POLDIP2: variants seen among roughly 807,000 people sequenced by gnomAD.
The protein encoded by POLDIP2 is DNA polymerase delta interacting protein 2, also known as polymerase delta-interacting protein 2.
A neutral mutation model predicts 52.9 loss-of-function variants in POLDIP2; 32 were observed. The observed-to-expected ratio is 0.61, with a 90% CI of 0.46 to 0.81. The LOEUF (loss-of-function observed/expected upper bound fraction) is 0.81, where lower values mean the gene tolerates loss of function less well. POLDIP2 is among the 40% of genes least tolerant of loss of function. POLDIP2 has a pLI of 0.00. For synonymous variants in POLDIP2, 183 were observed against 183.0 expected (o/e 1.00, Z 0.00); for missense variants, 371 against 477.3 (o/e 0.78, Z 2.07).
chr17:28,353,970 A>G (rs1312921560), intron 3 of POLDIP2, among the ~76,000 whole-genome samples, 179 bp from the exon 4 acceptor site: 1 of 152,148 alleles, frequency 6.6e-6, no homozygotes, highest in Non-Finnish European at 1.5e-5. Flanking sequence ...GGGGCAAATA[A>G]TAGAGCATGG....
chr17:28,350,095 C>T (rs1245407954), intron 9 of POLDIP2, among the ~76,000 whole-genome samples: 2 of 152,156 alleles, frequency 1.3e-5, no homozygotes, highest in Admixed American at 1.3e-4. Context: ...GTGTGTGCCC[C>T]ACCTAACGAC....
At position 28,351,202 on chromosome 17, in the gene POLDIP2, C is replaced by CA. The variant is rs1907781517; in HGVS notation, c.760-411dup. Among the ~76,000 whole-genome samples the CA allele has an allele frequency of 1.3e-5, 2 of 152,278 alleles. 1 individual carries two copies. The highest frequency in any genetic ancestry group is 2.9e-5 in the Non-Finnish European group (2 of 68,030). On this transcript the variant is annotated intron_variant, in intron 7 of 10. Transcript: ENST00000540200. Reference sequence around the variant, plus strand: ...TCCACTACTATAAGGTCCTGGAAGACAGGGACGGTGTTTCATTTATATTTG... The same window carrying CA: ...TCCACTACTATAAGGTCCTGGAAGACAAGGGACGGTGTTTCATTTATATTTG...
rs782276406 is a variant in POLDIP2, at chr17:28,353,293, A to T, written c.462T>A (p.Ala154=). The T allele has an allele frequency of 2.8e-5, 45 of 1,594,222 alleles. No individual in the cohort carries two copies. The highest frequency in any genetic ancestry group is 8.6e-7 in the Non-Finnish European group (1 of 1,164,138). The stretch of plus-strand genomic sequence containing the variant: ...CATCATGGTTAGCCAAGAAGGTCAC[A>T]GCTTCTGTCTGAGATCTCTGAGACT... The part of the protein sequence containing the change: ...PHISQRSQTE[A]VTFLANHDDS... The change falls in exon 5 of 11, where the codon GCT becomes GCA. Residue 154 remains alanine (A), a synonymous_variant. Coordinates refer to ENST00000540200, the MANE Select transcript of POLDIP2 (RefSeq NM_015584.5).
rs1481824877 is a variant in POLDIP2, at chr17:28,349,084, A to G, written c.991T>C (p.Trp331Arg). Residue 331 changes from tryptophan (W) to arginine (R), a missense_variant and splice_region_variant, in exon 10 of 11, where the codon TGG (tryptophan) becomes CGG (arginine). Coordinates refer to ENST00000540200, the MANE Select transcript of POLDIP2 (RefSeq NM_015584.5). Reference protein sequence around the residue: ...VSLQASSGHMWGTFRFERPDG... With the variant: ...VSLQASSGHMRGTFRFERPDG... ...CTACTGCTGTGCACACTCACTCACC[A>G]CATGTGCCCACTGGAAGCCTGCAGC... 5.6e-6 allele frequency: 9 copies of G among 1,608,578 alleles called. No homozygotes were observed. Among genetic ancestry groups the G allele is most frequent in the Non-Finnish European group, 7.7e-6 (9 of 1,175,572 alleles).
At position 28,357,359 on chromosome 17, in the gene POLDIP2, G is replaced by A. The variant is rs554932156; in HGVS notation, c.90C>T (p.Leu30=). The A allele has an allele frequency of 9.6e-6, 15 of 1,564,166 alleles. No individual in the cohort carries two copies. Among genetic ancestry groups the A allele is most frequent in the African/African-American group, 1.4e-5 (1 of 71,400 alleles). ...AGGCTCCAGCTCCGGCCGCCGCACA[G>A]AGCGGCCTTGGCCACCGGGCCCCAG... ...SLTGARWPRP[L]CAAAGAGAFS... is the part of the protein sequence containing the mutation. Residue 30 remains leucine (L), a synonymous_variant, in exon 1 of 11, where the codon CTC becomes CTT. Transcript: ENST00000540200.
intron 10 of POLDIP2, among the ~76,000 whole-genome samples, chr17:28,348,751 C>T (rs534701166): frequency 3.3e-5 from 5 of 152,162 alleles, no homozygotes; most frequent in Non-Finnish European, 5.9e-5. Flanking sequence ...AGATTCTGGC[C>T]TTTAGATACA....
chr17:28,350,520 A>G lies in POLDIP2; in HGVS notation c.830T>C (p.Val277Ala), dbSNP rs1555579744. The change falls in exon 9 of 11, where the codon GTA becomes GCA. Residue 277 changes from valine (V) to alanine (A), a missense_variant. Transcript: ENST00000540200. ...CCTCCAGTGCCGCTCCCGGAGCTGT[A>G]CCACATCACTGTCAAGGTTCTCCAA... ...IRLENLDSDVVQLRERHWRIF... is the reference protein window; with the variant it reads ...IRLENLDSDVAQLRERHWRIF... 2 of 1,613,792 alleles carry G rather than the reference A, an allele frequency of 1.2e-6. No homozygotes were observed. The highest frequency in any genetic ancestry group is 3.3e-5 in the Admixed American group (2 of 60,002).
intron 4 of POLDIP2, 147 bp downstream of exon 4, chr17:28,353,548 G>A: frequency 2.9e-6 from 1 of 345,970 alleles, no homozygotes; most frequent in Non-Finnish European, 5.0e-6. Context: ...CGTGAATCAG[G>A]GCTTTGTTGG....
In POLDIP2 at chr17:28,349,095, C is replaced by T. The variant is rs1264004756; in HGVS notation, c.980G>A (p.Ser327Asn). ...CACACTCACTCACCACATGTGCCCA[C>T]TGGAAGCCTGCAGCGAGACGTGGCT... ...YSSHVSLQAS[S>N]GHMWGTFRFE... Residue 327 changes from serine (S) to asparagine (N), a missense_variant, in exon 10 of 11, where the codon AGT (serine) becomes AAT (asparagine). Ser to Asn is a conservative substitution (Grantham distance 46). Transcript: ENST00000540200. 2.5e-6 allele frequency: 4 copies of T among 1,612,606 alleles called. No homozygotes were observed. The highest frequency in any genetic ancestry group is 3.3e-5 in the Admixed American group (2 of 59,934).
rs1555580566 is a variant in POLDIP2 at position 28,354,482 on chromosome 17, A to G, written c.341+6T>C. The G allele has an allele frequency of 6.5e-7, 1 of 1,547,714 alleles. No homozygotes were observed. The highest frequency in any genetic ancestry group is 8.7e-7 in the Non-Finnish European group (1 of 1,142,984). On this transcript the variant is annotated splice_donor_region_variant and intron_variant, in intron 3 of 10. Transcript: ENST00000540200. ...TACTGTGAGGCACAACCACAGGGAAACTTACTTTTCTGGAGCTGCAGAAGC... is the reference window on the plus strand; with the variant it reads ...TACTGTGAGGCACAACCACAGGGAAGCTTACTTTTCTGGAGCTGCAGAAGC...
In POLDIP2 at chr17:28,348,072, G is replaced by A; in HGVS notation, c.*45C>T. 1 of 1,110,348 alleles carries A rather than the reference G, an allele frequency of 9.0e-7. No individual in the cohort carries two copies. The highest frequency in any genetic ancestry group is 1.4e-6 in the Non-Finnish European group (1 of 722,758). 68.8% of individuals were successfully genotyped at this position (1,110,348 alleles called of 1,614,324 possible). On this transcript the variant is annotated 3_prime_UTR_variant, in exon 11 of 11. Transcript: ENST00000540200. Reference sequence around the variant, plus strand: ...CTGCAGCAATTGTGGGATGAGAGTTGTTCTTCCCGGTGACCAAGCCTGGGC... The same window carrying A: ...CTGCAGCAATTGTGGGATGAGAGTTATTCTTCCCGGTGACCAAGCCTGGGC...
chr17:28,355,439 C>T (rs1157857716), intron 2 of POLDIP2, among the ~76,000 whole-genome samples: 4 of 152,118 alleles, frequency 2.6e-5, no homozygotes, highest in Non-Finnish European at 5.9e-5. Flanking sequence ...GAAACCGCAT[C>T]TCCACTAAAA....
Position 28,347,202 on chromosome 17 carries a change from A to G in POLDIP2, c.*915T>C, listed in dbSNP as rs1907609890. 6.6e-6 allele frequency: 1 copy of G among 152,266 alleles called. No individual in the cohort carries two copies. The highest frequency in any genetic ancestry group is 6.5e-5 in the Admixed American group (1 of 15,290). 9.4% of individuals were successfully genotyped at this position (152,266 alleles called of 1,614,324 possible). A position where few individuals can be genotyped will look rare whatever the true frequency, so the allele number is the denominator to read the frequency against. ...TAACAAGGGCTGGAACTGTGATTTA[A>G]TATTAATTCAAGAAAACTACCTCTA... On this transcript the variant is annotated 3_prime_UTR_variant, in exon 11 of 11. Transcript: ENST00000540200.
In POLDIP2 at chr17:28,353,520, C is replaced by A. The variant is rs200789300; in HGVS notation, c.438+175G>T. 3.1e-4 allele frequency among the ~76,000 whole-genome samples: 17 copies of A among 54,792 alleles called. No homozygotes were observed. Among genetic ancestry groups the A allele is most frequent in the East Asian group, 2.1e-3 (1 of 474 alleles). 35.9% of individuals were successfully genotyped at this position (54,792 alleles called of 152,430 possible). A position where few individuals can be genotyped will look rare whatever the true frequency, so the allele number is the denominator to read the frequency against. ...CTGGCGACAGAGTGAGACTCCATAT[C>A]AAAAAAAAAAAAAAAGACGTGAATC... On this transcript the variant is annotated intron_variant, in intron 4 of 10. Coordinates refer to ENST00000540200, the MANE Select transcript of POLDIP2 (RefSeq NM_015584.5).
intron 10 of POLDIP2, 48 bp downstream of exon 10, chr17:28,349,032 GCTT>G: frequency 7.5e-7 from 1 of 1,328,072 alleles, no homozygotes; most frequent in Non-Finnish European, 1.1e-6. Context: ...CTGACCTACA[GCTT>G]CTGTTTGTGG....
At position 28,351,813 on chromosome 17, in the gene POLDIP2, AC is replaced by A; in HGVS notation, c.623-14del. 6.2e-7 allele frequency: 1 copy of A among 1,612,176 alleles called. No homozygotes were observed. Among genetic ancestry groups the A allele is most frequent in the Admixed American group, 1.7e-5 (1 of 60,024 alleles). On this transcript the variant is annotated splice_polypyrimidine_tract_variant and intron_variant, in intron 6 of 10. Coordinates refer to ENST00000540200, the MANE Select transcript of POLDIP2 (RefSeq NM_015584.5). ...ACAAAAGGAGGTGCTGGGGCAAGAT[AC>A]AATTGGTTAGTCCAATTGTGTGTTG...
intron 1 of POLDIP2, among the ~76,000 whole-genome samples, chr17:28,356,768 C>A (rs76514752): frequency 4.6e-5 from 7 of 152,144 alleles, no homozygotes; most frequent in Non-Finnish European, 1.0e-4. Context: ...ATCCGCCTGT[C>A]CCATCCGTGG....
intron 2 of POLDIP2, 57 bp from the exon 3 acceptor site, chr17:28,354,642 GC>G: frequency 8.4e-7 from 1 of 1,187,040 alleles, no homozygotes; most frequent in Non-Finnish European, 1.2e-6. Context: ...ATCCAGGTGG[GC>G]CCCAGACCAC....
At chr17:28,350,021 A>G (rs782275097) in intron 9 of POLDIP2, among the ~76,000 whole-genome samples, 8 of 152,224 alleles carry the variant, frequency 5.3e-5, no homozygotes, top group Non-Finnish European at 1.2e-4. Flanking sequence ...GATCTCTTCA[A>G]GGACCAGCAG....
Sources: gnomAD v4.1 joint callset for allele counts (sites outside exome capture counted in the v4.1 genomes callset) on GRCh38, gnomAD v4.1.1 for gene constraint, MANE v1.5 for transcripts, NCBI Gene and HGNC (gene_info 2026-07-23, HGNC 2026-07-21) for gene names.